Variants in RHOBTB2 observed in about 807,000 individuals in gnomAD.
RHOBTB2 encodes the protein Rho related BTB domain containing 2, also known as rho-related BTB domain-containing protein 2.
RHOBTB2 carries 39 observed loss-of-function variants against 66.5 expected under a neutral mutation model. That is an observed-to-expected ratio of 0.59 (90% CI 0.45 to 0.77). The LOEUF (loss-of-function observed/expected upper bound fraction) is 0.77. RHOBTB2 is among the 30% of genes least tolerant of loss of function. The pLI is 0.00. For missense variants in RHOBTB2, 755 were observed against 999.1 expected, an observed-to-expected ratio of 0.76 and a Z score of 3.29; for synonymous variants, 390 against 395.0, an observed-to-expected ratio of 0.99 and a Z score of 0.15.
the RHOBTB2 span, among the ~76,000 whole-genome samples, chr8:22,956,823 G>A: frequency 6.6e-6 from 1 of 152,108 alleles, no homozygotes; most frequent in South Asian, 2.1e-4. Context: ...ACCATGCCCG[G>A]CTAATTTTAT....
At position 23,014,677 on chromosome 8, in the gene RHOBTB2, G is replaced by T. The variant is rs374252613; in HGVS notation, c.1772-13G>T. The T allele has an allele frequency of 3.1e-6, 5 of 1,611,520 alleles. No individual in the cohort carries two copies. In the African/African-American group the frequency reaches 4.0e-5, roughly 13 times the overall value. On this transcript the variant is annotated splice_polypyrimidine_tract_variant and intron_variant, in intron 7 of 9. Transcript: ENST00000251822. ...GTGCTTCTTCAGCTGATTGGTGGCC[G>T]TGTGTGTTACAGAGCAGTACACAGT... is the stretch of plus-strand genomic sequence containing the variant.
chr8:22,979,383 C>T, the RHOBTB2 span, among the ~76,000 whole-genome samples: 5 of 152,028 alleles, frequency 3.3e-5, no homozygotes, highest in Admixed American at 2.6e-4. Context: ...TTTTACCATC[C>T]GGAGATAACT....
chr8:22,952,461 G>C, the RHOBTB2 span, among the ~76,000 whole-genome samples: 1 of 152,096 alleles, frequency 6.6e-6, no homozygotes, highest in African/African-American at 2.4e-5. Context: ...TGGAATAAAG[G>C]CACTTTCTTT....
At chr8:22,981,718 C>T in the RHOBTB2 span, among the ~76,000 whole-genome samples, 13 of 152,240 alleles carry the variant, frequency 8.5e-5, no homozygotes, top group East Asian at 2.3e-3. Flanking sequence ...CACTGCCTGC[C>T]CCTGAAGCAA....
the RHOBTB2 span, among the ~76,000 whole-genome samples, chr8:22,976,547 T>C: frequency 6.6e-6 from 1 of 152,060 alleles, no homozygotes; most frequent in Non-Finnish European, 1.5e-5. Context: ...TAAAAGAGAG[T>C]GATCCCAATA....
At chr8:23,007,835 C>A (rs1563292707) in intron 5 of RHOBTB2, 89 bp downstream of exon 5, 3 of 1,522,072 alleles carry the variant, frequency 2.0e-6, no homozygotes, top group Non-Finnish European at 2.7e-6. Context: ...CCTGGAGCTG[C>A]GGCTGCCATG....
chr8:22,977,430 G>T, the RHOBTB2 span, among the ~76,000 whole-genome samples: 4 of 151,996 alleles, frequency 2.6e-5, no homozygotes, highest in African/African-American at 9.7e-5. Flanking sequence ...ACATTAGCTG[G>T]GCATGGTGGT....
At chr8:23,013,091 A>G (rs1397284619) in intron 7 of RHOBTB2, among the ~76,000 whole-genome samples, 2 of 151,416 alleles carry the variant, frequency 1.3e-5, no homozygotes, top group Non-Finnish European at 2.9e-5. Flanking sequence ...GAGCCACCAC[A>G]CCCGGCCTAA....
chr8:22,952,139 G>A, the RHOBTB2 span, among the ~76,000 whole-genome samples: 1 of 152,052 alleles, frequency 6.6e-6, no homozygotes, highest in Non-Finnish European at 1.5e-5. Flanking sequence ...TAGCCAGAAC[G>A]CTGACCCACT....
At chr8:22,951,244 CTTTTTTTTTTTT>C in the RHOBTB2 span, among the ~76,000 whole-genome samples, 26 of 87,980 alleles carry the variant, frequency 3.0e-4, no homozygotes, top group East Asian at 1.6e-3. Flanking sequence ...CTACTTAGCT[CTTTTTTTTTTTT>C]TTTTTTTTTT....
At chr8:22,995,079 C>T (rs574932599), upstream of RHOBTB2, among the ~76,000 whole-genome samples, 4 of 152,244 alleles carry the variant, frequency 2.6e-5, no homozygotes, top group East Asian at 1.9e-4. Context: ...AATACCTTTT[C>T]GAATAGGCAT....
chr8:23,010,779 G>A, intron 7 of RHOBTB2, 91 bp downstream of exon 7: 2 of 1,400,622 alleles, frequency 1.4e-6, no homozygotes, highest in Admixed American at 3.7e-5. Flanking sequence ...TCTCCTGGGG[G>A]ACAAGCTGAT....
the RHOBTB2 span, among the ~76,000 whole-genome samples, chr8:22,978,412 G>A: frequency 4.0e-5 from 6 of 151,080 alleles, no homozygotes; most frequent in Non-Finnish European, 7.4e-5. Flanking sequence ...GCGTGAGCCC[G>A]GGAGGTGGAG....
chr8:23,008,980 G>A (rs1433061708), intron 6 of RHOBTB2, among the ~76,000 whole-genome samples: 1 of 152,024 alleles, frequency 6.6e-6, no homozygotes, highest in African/African-American at 2.4e-5. Flanking sequence ...AGCCCTGAGG[G>A]AGGCAGTCCC....
At chr8:22,980,182 T>C in the RHOBTB2 span, among the ~76,000 whole-genome samples, 1 of 152,066 alleles carries the variant, frequency 6.6e-6, no homozygotes. Flanking sequence ...AGCAGATTAA[T>C]AGGAGAAAAA....
At chr8:22,981,510 G>C in the RHOBTB2 span, among the ~76,000 whole-genome samples, 6 of 152,212 alleles carry the variant, frequency 3.9e-5, no homozygotes, top group Non-Finnish European at 8.8e-5. Flanking sequence ...GGCTGGTTTT[G>C]AGAGCTGGGT....
the RHOBTB2 span, among the ~76,000 whole-genome samples, chr8:22,980,234 G>A: frequency 6.6e-6 from 1 of 152,112 alleles, no homozygotes; most frequent in Non-Finnish European, 1.5e-5. Flanking sequence ...AAAAGAAGTA[G>A]CATATATCAT....
chr8:22,961,969 T>C, the RHOBTB2 span, among the ~76,000 whole-genome samples: 2 of 152,012 alleles, frequency 1.3e-5, 1 homozygote, highest in Non-Finnish European at 2.9e-5. Flanking sequence ...AATAGATACA[T>C]CTGATAGTTT....
At position 23,004,139 on chromosome 8, in the gene RHOBTB2, C is replaced by G. The variant is rs763477473; in HGVS notation, c.-10-286C>G. 7 of 450,190 alleles carry G rather than the reference C, an allele frequency of 1.6e-5. No homozygotes were observed. Among genetic ancestry groups the G allele is most frequent in the South Asian group, 1.4e-4 (7 of 48,288 alleles). 27.9% of individuals were successfully genotyped at this position (450,190 alleles called of 1,614,324 possible). ...GGCCTCGGCAAGCTCCACTGGTGAT[C>G]TCGCGTAGGTCTCCTTCATCCAGAC... On this transcript the variant is annotated intron_variant, in intron 1 of 9. Transcript: ENST00000251822. This position sits in a 1 kb window ranked among gnomAD's most constrained non-coding sequence, Gnocchi z 6.4.
Sources: allele counts gnomAD v4.1 joint callset (sites outside exome capture counted in the v4.1 genomes callset), GRCh38; gene constraint gnomAD v4.1.1; non-coding constraint Gnocchi (gnomAD v3.1); transcripts MANE v1.5; gene names NCBI Gene and HGNC (gene_info 2026-07-23, HGNC 2026-07-21).